Variants in BRIP1 observed in about 807,000 individuals in gnomAD.
BRIP1 encodes Fanconi anemia group J protein.
Under a neutral mutation model 119.7 loss-of-function variants are expected in BRIP1, and 88 were observed. The observed-to-expected ratio is 0.74, with a 90% CI of 0.62 to 0.88. The LOEUF (loss-of-function observed/expected upper bound fraction) is 0.88. Ranked by LOEUF, BRIP1 falls within the 40% of genes least tolerant of loss-of-function variation. The pLI, the probability that BRIP1 is intolerant of heterozygous loss-of-function variation, is 0.00. For synonymous variants in BRIP1, 443 were observed against 496.5 expected (o/e 0.89, Z 1.43); for missense variants, 1,259 against 1,455.4 (o/e 0.87, Z 2.20).
chr17:61,693,305 T>A lies in BRIP1; in HGVS notation c.2575+125A>T. ...AGATATCTGCTGTGAAATACTGTGC[T>A]TATAGTTAACAATATTGTACTGTGC... On this transcript the variant is annotated intron_variant, in intron 18 of 19. Coordinates refer to ENST00000259008, the MANE Select transcript of BRIP1 (RefSeq NM_032043.3). The surrounding 1 kb of genome is among the most constrained non-coding windows in gnomAD (Gnocchi z 4.2). 1.1e-6 allele frequency: 1 copy of A among 882,508 alleles called. No individual in the cohort carries two copies. The highest frequency in any genetic ancestry group is 1.8e-6 in the Non-Finnish European group (1 of 541,772). 54.7% of individuals were successfully genotyped at this position (882,508 alleles called of 1,614,324 possible).
rs2078221830 is a variant in BRIP1 at position 61,815,397 on chromosome 17, A to AT, written c.628-6641dup. The stretch of plus-strand genomic sequence containing the variant: ...GGGTTAGGGCTTTATTCCAGAATTT[A>AT]TATCTGGTTTTTTAACGAAAATCAA... On this transcript the variant is annotated intron_variant, in intron 6 of 19. Coordinates refer to ENST00000259008, the MANE Select transcript of BRIP1 (RefSeq NM_032043.3). This position sits in a 1 kb window ranked among gnomAD's most constrained non-coding sequence, Gnocchi z 4.1. Among the ~76,000 whole-genome samples, 1 of 152,180 alleles carries AT rather than the reference A, an allele frequency of 6.6e-6. No homozygotes were observed. Among genetic ancestry groups the AT allele is most frequent in the Admixed American group, 6.5e-5 (1 of 15,268 alleles).
In BRIP1 at chr17:61,715,959, G is replaced by A. The variant is rs1277187413; in HGVS notation, c.2484C>T (p.Ala828=). 1 of 1,590,864 alleles carries A rather than the reference G, an allele frequency of 6.3e-7. No individual in the cohort carries two copies. Residue 828 remains alanine (A), a synonymous_variant, in exon 17 of 20, where the codon GCC becomes GCT. Coordinates refer to ENST00000259008, the MANE Select transcript of BRIP1 (RefSeq NM_032043.3). ...EIQAYRALNQ[A]LGRCIRHRND... The stretch of plus-strand genomic sequence containing the variant: ...AATTTCACTCCACTTACCTACCAAG[G>A]GCCTGGTTTAAGGCCCTGTATGCTT...
chr17:61,861,651 G>GA lies in BRIP1; in HGVS notation c.-30-83dup. The GA allele has an allele frequency of 2.7e-6, 2 of 751,616 alleles. No homozygotes were observed. Among genetic ancestry groups the GA allele is most frequent in the South Asian group, 1.5e-5 (1 of 66,506 alleles). 46.6% of individuals were successfully genotyped at this position (751,616 alleles called of 1,614,324 possible). A position where few individuals can be genotyped will look rare whatever the true frequency, so the allele number is the denominator to read the frequency against. On this transcript the variant is annotated intron_variant, in intron 1 of 19. Transcript: ENST00000259008. This position sits in a 1 kb window ranked among gnomAD's most constrained non-coding sequence, Gnocchi z 4.5. ...GAACCAAAACTAAGGGAGAAATCTG[G>GA]AAACAGAAACTGGAATTAATAAAAG...
Position 61,805,726 on chromosome 17 carries a change from C to T in BRIP1, c.918+2741G>A, listed in dbSNP as rs1213777835. On this transcript the variant is annotated intron_variant, in intron 7 of 19. Coordinates refer to ENST00000259008, the MANE Select transcript of BRIP1 (RefSeq NM_032043.3). This position sits in a 1 kb window ranked among gnomAD's most constrained non-coding sequence, Gnocchi z 5.6. The stretch of plus-strand genomic sequence containing the variant: ...ATTCAGGTAAAAACGTGTCAATCAT[C>T]TTTCATACTCTCAGTTTGATACAGA... Among the ~76,000 whole-genome samples, 4 of 152,140 alleles carry T rather than the reference C, an allele frequency of 2.6e-5. No individual in the cohort carries two copies. In the East Asian group the frequency reaches 5.8e-4, roughly 22 times the overall value.
chr17:61,835,702 AAAAAAATT>A (rs2078561391), intron 6 of BRIP1, among the ~76,000 whole-genome samples: 1 of 152,134 alleles, frequency 6.6e-6, no homozygotes, highest in Admixed American at 6.5e-5. Context: ...CTGTTAAAAA[AAAAAAATT>A]AAAGAGAAAA....
At chr17:61,692,033 T>C (rs1167639625) in intron 18 of BRIP1, among the ~76,000 whole-genome samples, 2 of 152,220 alleles carry the variant, frequency 1.3e-5, no homozygotes, top group Non-Finnish European at 2.9e-5. Context: ...CCAAAGCTCA[T>C]GTTGAAATGT....
chr17:61,719,721 T>A (rs2061940963), intron 16 of BRIP1, among the ~76,000 whole-genome samples: 2 of 146,784 alleles, frequency 1.4e-5, no homozygotes, highest in South Asian at 4.4e-4. Context: ...TGAGACTCTG[T>A]CTCGGAAAAA....
rs1183430400 is a variant in BRIP1, at chr17:61,816,456, A to G, written c.628-7699T>C. On this transcript the variant is annotated intron_variant, in intron 6 of 19. Transcript: ENST00000259008. The surrounding 1 kb of genome is among the most constrained non-coding windows in gnomAD (Gnocchi z 5.0). ...CTTTTCACGGTTGTTTTTTGATACCATAAGTGTTTGTTACCCTACTCTCCA... is the reference window on the plus strand; with the variant it reads ...CTTTTCACGGTTGTTTTTTGATACCGTAAGTGTTTGTTACCCTACTCTCCA... Among the ~76,000 whole-genome samples, 2 of 152,148 alleles carry G rather than the reference A, an allele frequency of 1.3e-5. No homozygotes were observed. The highest frequency in any genetic ancestry group is 1.9e-4 in the East Asian group (1 of 5,194).
intron 6 of BRIP1, among the ~76,000 whole-genome samples, chr17:61,838,189 A>G (rs557461204): frequency 1.6e-3 from 237 of 152,288 alleles, no homozygotes; most frequent in African/African-American, 5.5e-3. Flanking sequence ...TCTATTTAAA[A>G]AATACTGTAC....
Position 61,770,067 on chromosome 17 carries a change from G to T in BRIP1, c.2097+6334C>A, listed in dbSNP as rs1464166759. ...CATTCTCTAAAACAATGGCCAGTCTGCCAGTAAGGAAGATTTTACCAGATC... is the reference window on the plus strand; with the variant it reads ...CATTCTCTAAAACAATGGCCAGTCTTCCAGTAAGGAAGATTTTACCAGATC... On this transcript the variant is annotated intron_variant, in intron 14 of 19. Transcript: ENST00000259008. The surrounding 1 kb of genome is among the most constrained non-coding windows in gnomAD (Gnocchi z 4.7). Among the ~76,000 whole-genome samples the T allele has an allele frequency of 2.0e-5, 3 of 152,186 alleles. No homozygotes were observed.
At position 61,834,409 on chromosome 17, in the gene BRIP1, C is replaced by T. The variant is rs982490117; in HGVS notation, c.627+12692G>A. On this transcript the variant is annotated intron_variant, in intron 6 of 19. Transcript: ENST00000259008. The surrounding 1 kb of genome is among the most constrained non-coding windows in gnomAD (Gnocchi z 4.4). ...CCAATAATTACGATTTTTTTGAGAG[C>T]CTGGAGAAAACATAGTAGTGTTCTC... is the stretch of plus-strand genomic sequence containing the variant. Among the ~76,000 whole-genome samples, 2 of 151,778 alleles carry T rather than the reference C, an allele frequency of 1.3e-5. No homozygotes were observed. The highest frequency in any genetic ancestry group is 2.9e-5 in the Non-Finnish European group (2 of 67,976).
chr17:61,757,481 C>G lies in BRIP1; in HGVS notation c.2098-12890G>C, dbSNP rs1460532762. 6.6e-6 allele frequency among the ~76,000 whole-genome samples: 1 copy of G among 152,102 alleles called. No individual in the cohort carries two copies. Among genetic ancestry groups the G allele is most frequent in the Non-Finnish European group, 1.5e-5 (1 of 68,014 alleles). ...CTACAGCCCTCTCTGAAAAGGAACACTCTCTCTCATAAATTAGTTAAAATA... is the reference window on the plus strand; with the variant it reads ...CTACAGCCCTCTCTGAAAAGGAACAGTCTCTCTCATAAATTAGTTAAAATA... On this transcript the variant is annotated intron_variant, in intron 14 of 19. Transcript: ENST00000259008. The surrounding 1 kb of genome is among the most constrained non-coding windows in gnomAD (Gnocchi z 4.3).
Position 61,861,084 on chromosome 17 carries a change from A to T in BRIP1, c.93+363T>A, listed in dbSNP as rs2145860401. Among the ~76,000 whole-genome samples, 1 of 152,324 alleles carries T rather than the reference A, an allele frequency of 6.6e-6. No homozygotes were observed. Among genetic ancestry groups the T allele is most frequent in the South Asian group, 2.1e-4 (1 of 4,828 alleles). On this transcript the variant is annotated intron_variant, in intron 2 of 19. Coordinates refer to ENST00000259008, the MANE Select transcript of BRIP1 (RefSeq NM_032043.3). This position sits in a 1 kb window ranked among gnomAD's most constrained non-coding sequence, Gnocchi z 4.5. ...TGTAACAAAACTGGAAAGCTGGTTT[A>T]CTCAAATTTGTATATTAATTTTCTA...
In BRIP1 at chr17:61,693,462, C is replaced by T. The variant is rs374334794; in HGVS notation, c.2543G>A (p.Arg848His). 10 of 1,613,508 alleles carry T rather than the reference C, an allele frequency of 6.2e-6. No homozygotes were observed. The highest frequency in any genetic ancestry group is 4.0e-5 in the African/African-American group (3 of 74,880). The stretch of plus-strand genomic sequence containing the variant: ...ATAGCGACTTGGGTTATTCCTAAAG[C>T]GATCATCCACTAGAATAAGAGCTCC... ...DWGALILVDDRFRNNPSRYIS... is the reference protein window; with the variant it reads ...DWGALILVDDHFRNNPSRYIS... Residue 848 changes from arginine (R) to histidine (H), a missense_variant, in exon 18 of 20, where the codon CGC (arginine) becomes CAC (histidine). By Grantham distance (29) the Arg-to-His change is conservative. Transcript: ENST00000259008. This position sits in a 1 kb window ranked among gnomAD's most constrained non-coding sequence, Gnocchi z 4.2.
rs889536589 is a variant in BRIP1, at chr17:61,756,710, T to C, written c.2098-12119A>G. On this transcript the variant is annotated intron_variant, in intron 14 of 19. Transcript: ENST00000259008. The surrounding 1 kb of genome is among the most constrained non-coding windows in gnomAD (Gnocchi z 4.3). ...GCATTTGCTCAATGTCCATAGCTTTTACACAGTTCCAGATGTTCAGTACAT... is the reference window on the plus strand; with the variant it reads ...GCATTTGCTCAATGTCCATAGCTTTCACACAGTTCCAGATGTTCAGTACAT... 6.6e-6 allele frequency among the ~76,000 whole-genome samples: 1 copy of C among 152,226 alleles called. No individual in the cohort carries two copies. The highest frequency in any genetic ancestry group is 1.5e-5 in the Non-Finnish European group (1 of 68,024).
rs995257832 is a variant in BRIP1 at position 61,686,452 on chromosome 17, T to C, written c.2576-287A>G. 2.0e-5 allele frequency among the ~76,000 whole-genome samples: 3 copies of C among 151,670 alleles called. No individual in the cohort carries two copies. Among genetic ancestry groups the C allele is most frequent in the Non-Finnish European group, 4.4e-5 (3 of 67,970 alleles). ...AACATATTCTCTGGTTAAGAATAACTGGTGAACATGGCAAATTTAATTTCA... is the reference window on the plus strand; with the variant it reads ...AACATATTCTCTGGTTAAGAATAACCGGTGAACATGGCAAATTTAATTTCA... On this transcript the variant is annotated intron_variant, in intron 18 of 19. Coordinates refer to ENST00000259008, the MANE Select transcript of BRIP1 (RefSeq NM_032043.3). This position sits in a 1 kb window ranked among gnomAD's most constrained non-coding sequence, Gnocchi z 5.4.
rs761130510 is a variant in BRIP1 at position 61,831,829 on chromosome 17, T to C, written c.627+15272A>G. 5.9e-5 allele frequency among the ~76,000 whole-genome samples: 9 copies of C among 152,114 alleles called. No individual in the cohort carries two copies. Among genetic ancestry groups the C allele is most frequent in the Non-Finnish European group, 1.0e-4 (7 of 68,012 alleles). On this transcript the variant is annotated intron_variant, in intron 6 of 19. Transcript: ENST00000259008. This position sits in a 1 kb window ranked among gnomAD's most constrained non-coding sequence, Gnocchi z 4.1. ...AGGAACAAGGTTTTTCAGTTAAACA[T>C]ACAGAAAGGAAGAAAATTAGAATGG...
rs1269858276 is a variant in BRIP1 at position 61,695,301 on chromosome 17, T to C, written c.2493-1789A>G. Among the ~76,000 whole-genome samples, 4 of 152,172 alleles carry C rather than the reference T, an allele frequency of 2.6e-5. No individual in the cohort carries two copies. The highest frequency in any genetic ancestry group is 6.5e-5 in the Admixed American group (1 of 15,288). On this transcript the variant is annotated intron_variant, in intron 17 of 19. Coordinates refer to ENST00000259008, the MANE Select transcript of BRIP1 (RefSeq NM_032043.3). The surrounding 1 kb of genome is among the most constrained non-coding windows in gnomAD (Gnocchi z 4.3). ...TTGTCAAAAACCAGTTCACTGTAGA[T>C]GTATGAATTTGTTTATGGACCCTCA...
At chr17:61,801,577 C>T in intron 7 of BRIP1, 103 bp from the exon 8 acceptor site, 1 of 1,159,454 alleles carries the variant, frequency 8.6e-7, no homozygotes, top group Non-Finnish European at 1.3e-6. Flanking sequence ...AGCCACAAGG[C>T]TAAGATTTTA....
Sources: gnomAD v4.1 joint callset for allele counts (sites outside exome capture counted in the v4.1 genomes callset) on GRCh38, gnomAD v4.1.1 for gene constraint, Gnocchi (gnomAD v3.1) non-coding constraint, MANE v1.5 for transcripts, NCBI Gene and HGNC (gene_info 2026-07-23, HGNC 2026-07-21) for gene names.